Variants in FSTL5 observed in about 807,000 individuals in gnomAD.
The protein encoded by FSTL5 is follistatin-related protein 5.
A neutral mutation model predicts 89.1 loss-of-function variants in FSTL5; 62 were observed. The ratio of observed to expected loss-of-function variants is 0.70; its 90% CI spans 0.57 to 0.86. The LOEUF is 0.86. Among genes scored for constraint, FSTL5 ranks in the 40% least tolerant of loss-of-function variants. The probability of loss-of-function intolerance (pLI) is 0.00; values close to 1 mark genes in which losing one functional copy is unlikely to be tolerated. For synonymous variants in FSTL5, 383 were observed against 346.2 expected (o/e 1.11, Z -1.18); for missense variants, 1,057 against 1,001.6 (o/e 1.06, Z -0.75).
chr4:162,059,831 TG>T (rs1738664247), intron 2 of FSTL5, among the ~76,000 whole-genome samples: 1 of 152,144 alleles, frequency 6.6e-6, no homozygotes, highest in Non-Finnish European at 1.5e-5. Flanking sequence ...ATCAAGGTTA[TG>T]AGATCAGAAA....
At chr4:161,560,802 T>G (rs1732568667) in intron 8 of FSTL5, among the ~76,000 whole-genome samples, 1 of 152,022 alleles carries the variant, frequency 6.6e-6, no homozygotes, top group Non-Finnish European at 1.5e-5. Flanking sequence ...CAATGCCTTC[T>G]TCTAGAATAC....
intron 4 of FSTL5, among the ~76,000 whole-genome samples, chr4:161,893,115 A>G (rs1031696714): frequency 6.6e-6 from 1 of 152,138 alleles, no homozygotes; most frequent in African/African-American, 2.4e-5. Flanking sequence ...ATACTTAAAG[A>G]TACTTCTGCT....
chr4:161,587,558 C>A lies in FSTL5; in HGVS notation c.912G>T (p.Gly304=). Residue 304 remains glycine (G), a synonymous_variant, in exon 8 of 16, where the codon GGG becomes GGT. Transcript: ENST00000306100. ...LEDINDFGDD[G]SLYITKVTTT... ...TGGTAACCTTAGTAATATACAAGGA[C>A]CCATCATCTCCAAAGTCCTATTAAA... 1 of 1,605,444 alleles carries A rather than the reference C, an allele frequency of 6.2e-7. No individual in the cohort carries two copies.
intron 7 of FSTL5, among the ~76,000 whole-genome samples, chr4:161,600,185 A>ACACACC (rs1275398999): frequency 6.6e-6 from 1 of 151,668 alleles, no homozygotes; most frequent in East Asian, 1.9e-4. Flanking sequence ...ACACACACAC[A>ACACACC]CACACACACA....
intron 3 of FSTL5, among the ~76,000 whole-genome samples, chr4:161,980,934 T>C (rs1265010237): frequency 6.6e-6 from 1 of 151,888 alleles, no homozygotes; most frequent in Non-Finnish European, 1.5e-5. Context: ...CTAATTTTTG[T>C]ACTTTTAGTA....
chr4:161,416,169 G>T (rs563103845), intron 15 of FSTL5, among the ~76,000 whole-genome samples: 2 of 152,210 alleles, frequency 1.3e-5, no homozygotes, highest in East Asian at 3.9e-4. Flanking sequence ...AAATTAAAAA[G>T]CTCCATGTGA....
chr4:161,810,634 A>C (rs1175797550), intron 4 of FSTL5, among the ~76,000 whole-genome samples: 1 of 152,190 alleles, frequency 6.6e-6, no homozygotes, highest in African/African-American at 2.4e-5. Context: ...CAACTCTGCT[A>C]CCATTGTGAC....
intron 4 of FSTL5, among the ~76,000 whole-genome samples, chr4:161,875,331 TAG>T (rs1389557353): frequency 6.6e-6 from 1 of 152,064 alleles, no homozygotes. Flanking sequence ...TGATTGCGGG[TAG>T]AGTCTTCCTT....
intron 11 of FSTL5, among the ~76,000 whole-genome samples, chr4:161,505,023 A>C (rs137918272): frequency 1.9e-4 from 29 of 152,154 alleles, no homozygotes; most frequent in African/African-American, 6.0e-4. Flanking sequence ...TAAGTGTATG[A>C]TGTAGTGATT....
In FSTL5 at chr4:161,981,648, TGGCTA is replaced by T. The variant is rs552523303; in HGVS notation, c.160+51972_160+51976del. 1.8e-4 allele frequency among the ~76,000 whole-genome samples: 28 copies of T among 152,346 alleles called. No homozygotes were observed. In the South Asian group the frequency reaches 5.2e-3, roughly 28 times the overall value. On this transcript the variant is annotated intron_variant, in intron 3 of 15. Coordinates refer to ENST00000306100, the MANE Select transcript of FSTL5 (RefSeq NM_020116.5). ...GATTGTATTCTCAACACACAGCACA[TGGCTA>T]GTTCAGATACTTTGCAAATGTAGGT...
rs532870575 is a variant in FSTL5 at position 161,707,146 on chromosome 4, T to A, written c.728-50652A>T. 2.0e-5 allele frequency among the ~76,000 whole-genome samples: 3 copies of A among 151,976 alleles called. No homozygotes were observed. In the South Asian group the frequency reaches 6.2e-4, roughly 32 times the overall value. ...AAATTAATGTTTTCAGAGAAAAACA[T>A]CTTTCTAGAAATACAAATTGTTTAT... On this transcript the variant is annotated intron_variant, in intron 6 of 15. Coordinates refer to ENST00000306100, the MANE Select transcript of FSTL5 (RefSeq NM_020116.5).
At chr4:161,920,326 T>C (rs561029862) in intron 4 of FSTL5, 78 bp downstream of exon 4, 1 of 1,413,556 alleles carries the variant, frequency 7.1e-7, no homozygotes, top group East Asian at 2.3e-5. Context: ...TGATATAAAA[T>C]TGCTAGAGTT....
At chr4:161,695,245 G>T (rs1738100421) in intron 6 of FSTL5, among the ~76,000 whole-genome samples, 1 of 151,974 alleles carries the variant, frequency 6.6e-6, no homozygotes, top group African/African-American at 2.4e-5. Context: ...AGTCCATTGT[G>T]TCATTCTTAT....
At chr4:161,683,945 T>C (rs1451057105) in intron 6 of FSTL5, among the ~76,000 whole-genome samples, 1 of 152,204 alleles carries the variant, frequency 6.6e-6, no homozygotes, top group African/African-American at 2.4e-5. Flanking sequence ...GTCATTCTTA[T>C]GCCTTTGCAT....
At chr4:161,470,238 T>G (rs1462767584) in intron 13 of FSTL5, among the ~76,000 whole-genome samples, 2 of 152,180 alleles carry the variant, frequency 1.3e-5, no homozygotes, top group African/African-American at 4.8e-5. Flanking sequence ...ACCTGAAATT[T>G]AGGTCTTTTA....
rs371008740 is a variant in FSTL5, at chr4:161,750,009, C to T, written c.727+9402G>A. On this transcript the variant is annotated intron_variant, in intron 6 of 15. Coordinates refer to ENST00000306100, the MANE Select transcript of FSTL5 (RefSeq NM_020116.5). ...ATCTCTGAATCCAAAAAATACAATA[C>T]GATAAATACATTTGATGTAACTCTT... Among the ~76,000 whole-genome samples, 13 of 151,854 alleles carry T rather than the reference C, an allele frequency of 8.6e-5. No homozygotes were observed. The South Asian group carries it at 1.5e-3, about 17-fold the overall frequency.
At position 161,710,827 on chromosome 4, in the gene FSTL5, A is replaced by G. The variant is rs144360163; in HGVS notation, c.727+48584T>C. On this transcript the variant is annotated intron_variant, in intron 6 of 15. Coordinates refer to ENST00000306100, the MANE Select transcript of FSTL5 (RefSeq NM_020116.5). Reference sequence around the variant, plus strand: ...TATATGATAAGCCTTAGAACAATCAATAACTATCAAAATATGGTTTCTGAA... The same window carrying G: ...TATATGATAAGCCTTAGAACAATCAGTAACTATCAAAATATGGTTTCTGAA... 1.0e-3 allele frequency among the ~76,000 whole-genome samples: 152 copies of G among 152,322 alleles called. 4 individuals are homozygous for G. The East Asian group carries it at 0.025, about 26-fold the overall frequency.
chr4:161,744,472 T>A (rs1374476392), intron 6 of FSTL5, among the ~76,000 whole-genome samples: 1 of 152,140 alleles, frequency 6.6e-6, no homozygotes, highest in Non-Finnish European at 1.5e-5. Flanking sequence ...GTCTATACAT[T>A]TACGAAGGTG....
intron 15 of FSTL5, among the ~76,000 whole-genome samples, chr4:161,446,932 C>G (rs1039610016): frequency 6.6e-6 from 1 of 151,808 alleles, no homozygotes; most frequent in African/African-American, 2.4e-5. Context: ...TCAGCAAACC[C>G]AGAATCATAT....
Sources: allele counts gnomAD v4.1 joint callset (sites outside exome capture counted in the v4.1 genomes callset), GRCh38; gene constraint gnomAD v4.1.1; transcripts MANE v1.5; gene names NCBI Gene and HGNC (gene_info 2026-07-23, HGNC 2026-07-21).